Variants in C19orf47 observed in about 807,000 individuals in gnomAD.
C19orf47 encodes chromosome 19 open reading frame 47.
A neutral mutation model predicts 32.3 loss-of-function variants in C19orf47; 18 were observed. The observed-to-expected ratio is 0.56, with a 90% CI of 0.39 to 0.83. The LOEUF is 0.83. Among genes scored for constraint, C19orf47 ranks in the 40% least tolerant of loss-of-function variants. The pLI, the probability that C19orf47 is intolerant of heterozygous loss-of-function variation, is 0.00. For missense variants in C19orf47, 484 were observed against 531.6 expected (o/e 0.91, Z 0.88); for synonymous variants, 202 against 211.1 (o/e 0.96, Z 0.37).
the C19orf47 span, among the ~76,000 whole-genome samples, chr19:40,309,193 CTTTT>C: frequency 9.2e-5 from 13 of 141,730 alleles, 1 homozygote; most frequent in East Asian, 2.0e-3. Flanking sequence ...TTCTCTCTCT[CTTTT>C]TTTTTTTTTT....
At chr19:40,318,335 G>C (rs1212240682), downstream of C19orf47, among the ~76,000 whole-genome samples, 1 of 152,150 alleles carries the variant, frequency 6.6e-6, no homozygotes, top group East Asian at 1.9e-4. Context: ...CCGCCAGCTG[G>C]GTGAGGCCTT....
At chr19:40,298,315 A>G in the C19orf47 span, among the ~76,000 whole-genome samples, 1,239 of 106,278 alleles carry the variant, frequency 0.012, 12 homozygotes, top group South Asian at 0.033. Flanking sequence ...AAAAAAAAAA[A>G]AAAAGAAAAA....
At position 40,333,808 on chromosome 19, in the gene C19orf47, G is replaced by T. The variant is rs75496366; in HGVS notation, c.301+43C>A. 787 of 1,464,060 alleles carry T rather than the reference G, an allele frequency of 5.4e-4. 8 individuals are homozygous for T. The East Asian group carries it at 0.016, about 30-fold the overall frequency. The allele number at this position is 1,464,060 out of a possible 1,614,324, so 90.7% of individuals were successfully genotyped here. ...CAGACGTGTCCCCTTCACTGACAGG[G>T]TATAAAAATCAAGGAAAAGAGGCCT... On this transcript the variant is annotated intron_variant, in intron 5 of 8. Coordinates refer to ENST00000683109, the MANE Select transcript of C19orf47 (RefSeq NM_001256441.2).
intron 5 of C19orf47, among the ~76,000 whole-genome samples, chr19:40,331,777 C>T (rs1419387701): frequency 6.6e-6 from 1 of 152,196 alleles, no homozygotes; most frequent in Non-Finnish European, 1.5e-5. Context: ...TGGCTAATGG[C>T]TGTAATCCCA....
chr19:40,330,445 A>C (rs2145558925), intron 5 of C19orf47, among the ~76,000 whole-genome samples: 1 of 145,618 alleles, frequency 6.9e-6, no homozygotes, highest in South Asian at 2.4e-4. Context: ...GTTAGCCAGG[A>C]TGGTCTCGAT....
intron 1 of C19orf47, chr19:40,342,508 A>C (rs1267920956): frequency 6.5e-6 from 1 of 152,706 alleles, no homozygotes; most frequent in Non-Finnish European, 1.5e-5. Context: ...TAAGGCACTT[A>C]GGGATACCAA....
At position 40,320,480 on chromosome 19, in the gene C19orf47, G is replaced by A; in HGVS notation, c.*1402C>T. 6.5e-6 allele frequency: 1 copy of A among 154,928 alleles called. No homozygotes were observed. Among genetic ancestry groups the A allele is most frequent in the Non-Finnish European group, 1.5e-5 (1 of 68,810 alleles). 9.6% of individuals were successfully genotyped at this position (154,928 alleles called of 1,614,324 possible). ...TCCCACCTCAGCACCTCTGCCCCTG[G>A]CTGTCCCTCTGTCTGAAAGCTCTCC... is the stretch of plus-strand genomic sequence containing the variant. On this transcript the variant is annotated 3_prime_UTR_variant, in exon 9 of 9. Transcript: ENST00000683109.
chr19:40,341,059 C>T (rs1046540068), intron 2 of C19orf47, among the ~76,000 whole-genome samples: 27 of 151,334 alleles, frequency 1.8e-4, no homozygotes, highest in African/African-American at 6.1e-4. Context: ...ATGGGCCAGG[C>T]GCGGTGGCTC....
intron 5 of C19orf47, among the ~76,000 whole-genome samples, chr19:40,332,219 A>G (rs1013417720): frequency 1.3e-5 from 2 of 152,100 alleles, no homozygotes; most frequent in Non-Finnish European, 2.9e-5. Context: ...TTGGCTGGGC[A>G]TGGTGGCACA....
intron 1 of C19orf47, among the ~76,000 whole-genome samples, chr19:40,347,018 C>A (rs2078311525): frequency 6.6e-6 from 1 of 152,064 alleles, no homozygotes; most frequent in African/African-American, 2.4e-5. Flanking sequence ...GAGCTGGGAA[C>A]AAGTATAAGG....
At chr19:40,339,988 A>AC (rs1274505218) in intron 2 of C19orf47, among the ~76,000 whole-genome samples, 2 of 151,828 alleles carry the variant, frequency 1.3e-5, no homozygotes, top group African/African-American at 2.4e-5. Context: ...AACAAAAAAA[A>AC]AAAAAAACAA....
chr19:40,347,115 T>C (rs182430604), intron 1 of C19orf47, among the ~76,000 whole-genome samples: 16 of 152,216 alleles, frequency 1.1e-4, no homozygotes, highest in Admixed American at 7.8e-4. Flanking sequence ...AGGGAATACG[T>C]AGTATTCCTT....
At chr19:40,315,130 CATA>C (rs546635655), downstream of C19orf47, among the ~76,000 whole-genome samples, 3 of 152,252 alleles carry the variant, frequency 2.0e-5, no homozygotes, top group East Asian at 5.8e-4. Context: ...AATTTGATAA[CATA>C]ATGTCATATG....
chr19:40,333,401 A>G (rs1237340251), intron 5 of C19orf47, among the ~76,000 whole-genome samples: 2 of 152,164 alleles, frequency 1.3e-5, no homozygotes, highest in Non-Finnish European at 2.9e-5. Context: ...TGTGTGTGAG[A>G]TAAGCATTGT....
intron 6 of C19orf47, among the ~76,000 whole-genome samples, chr19:40,327,141 G>A (rs2145540929): frequency 6.7e-6 from 1 of 148,352 alleles, no homozygotes; most frequent in South Asian, 2.2e-4. Flanking sequence ...AGCCTCCCAA[G>A]TAGCTGGGAT....
downstream of C19orf47, among the ~76,000 whole-genome samples, chr19:40,317,317 G>A (rs1260693799): frequency 6.6e-6 from 1 of 152,092 alleles, no homozygotes; most frequent in African/African-American, 2.4e-5. Flanking sequence ...TAACAGACAG[G>A]GCATGGTGGC....
intron 6 of C19orf47, 32 bp downstream of exon 6, chr19:40,328,380 AG>A (rs763189574): frequency 6.2e-7 from 1 of 1,608,164 alleles, no homozygotes; most frequent in Non-Finnish European, 8.5e-7. Flanking sequence ...GTTCCCCTCC[AG>A]CTCCTCCTAC....
At chr19:40,310,245 A>AT in the C19orf47 span, among the ~76,000 whole-genome samples, 3 of 152,186 alleles carry the variant, frequency 2.0e-5, no homozygotes, top group African/African-American at 7.2e-5. Flanking sequence ...CAAAAAAAAA[A>AT]AGGAATACAG....
chr19:40,335,651 C>G (rs1444174428), intron 4 of C19orf47, among the ~76,000 whole-genome samples: 1 of 151,616 alleles, frequency 6.6e-6, no homozygotes, highest in Non-Finnish European at 1.5e-5. Flanking sequence ...GCTCTGTCGC[C>G]CAGGCTGGAG....
Sources: gnomAD v4.1 joint callset for allele counts (sites outside exome capture counted in the v4.1 genomes callset) on GRCh38, gnomAD v4.1.1 for gene constraint, MANE v1.5 for transcripts, NCBI Gene and HGNC (gene_info 2026-07-23, HGNC 2026-07-21) for gene names.